The following TNPO3 variants were observed in gnomAD, a reference collection of about 807,000 sequenced individuals.
TNPO3 encodes the protein transportin-3.
In TNPO3, 65 loss-of-function variants were observed where a neutral mutation model predicts 122.8. That is an observed-to-expected ratio of 0.53 (90% CI 0.43 to 0.65). The LOEUF is 0.65. TNPO3 is among the 30% of genes least tolerant of loss of function. TNPO3 has a pLI of 0.00. For missense variants in TNPO3, 850 were observed against 1,136.7 expected (o/e 0.75, Z 3.63); for synonymous variants, 372 against 411.2 (o/e 0.90, Z 1.15).
At chr7:128,968,444 A>G (rs572399182) in intron 20 of TNPO3, among the ~76,000 whole-genome samples, 1 of 152,242 alleles carries the variant, frequency 6.6e-6, no homozygotes, top group African/African-American at 2.4e-5. Flanking sequence ...TCTTATTTTC[A>G]GTTTAATTGT....
intron 3 of TNPO3, among the ~76,000 whole-genome samples, chr7:129,016,122 G>A (rs990044517): frequency 5.3e-5 from 8 of 152,066 alleles, no homozygotes; most frequent in African/African-American, 1.9e-4. Context: ...AGTTATCCAA[G>A]CTGGATGAGG....
At chr7:129,032,828 G>A (rs1384054226) in intron 1 of TNPO3, among the ~76,000 whole-genome samples, 2 of 152,002 alleles carry the variant, frequency 1.3e-5, no homozygotes, top group African/African-American at 4.8e-5. Context: ...TCTCAATGAC[G>A]TTTTCTGCAA....
chr7:129,034,085 A>G (rs934789200), intron 1 of TNPO3, among the ~76,000 whole-genome samples: 9 of 152,220 alleles, frequency 5.9e-5, no homozygotes, highest in Non-Finnish European at 1.3e-4. Context: ...CTAAGCCTTC[A>G]AAAGGAAGGA....
At chr7:129,015,718 A>C (rs1455586459) in intron 3 of TNPO3, among the ~76,000 whole-genome samples, 1 of 152,126 alleles carries the variant, frequency 6.6e-6, no homozygotes, top group African/African-American at 2.4e-5. Context: ...CTGTAATCCC[A>C]GCTACTCGGG....
chr7:129,026,759 T>C (rs1805229162), intron 1 of TNPO3, among the ~76,000 whole-genome samples: 1 of 152,094 alleles, frequency 6.6e-6, no homozygotes, highest in South Asian at 2.1e-4. Context: ...AAATAACTTG[T>C]ACTTTATATA....
At chr7:129,023,848 A>C (rs1406926360) in intron 1 of TNPO3, among the ~76,000 whole-genome samples, 1 of 152,230 alleles carries the variant, frequency 6.6e-6, no homozygotes, top group Non-Finnish European at 1.5e-5. Flanking sequence ...CAACAACCAC[A>C]ATTACTTTGG....
chr7:129,028,034 A>G (rs1400558659), intron 1 of TNPO3, among the ~76,000 whole-genome samples: 4 of 152,232 alleles, frequency 2.6e-5, no homozygotes, highest in African/African-American at 9.6e-5. Context: ...GCAAAAGGGA[A>G]ACTAGAAATT....
intron 1 of TNPO3, among the ~76,000 whole-genome samples, chr7:129,034,690 C>G (rs1806371532): frequency 6.7e-6 from 1 of 149,914 alleles, no homozygotes; most frequent in Middle Eastern, 3.4e-3. Flanking sequence ...GAGATTGAGA[C>G]CATCCTAGCT....
At chr7:129,012,658 C>T (rs1258329187) in intron 4 of TNPO3, among the ~76,000 whole-genome samples, 2 of 152,160 alleles carry the variant, frequency 1.3e-5, no homozygotes, top group Admixed American at 1.3e-4. Flanking sequence ...AAGGGATATT[C>T]AACCTGTATC....
rs762747776 is a variant in TNPO3 at position 128,955,169 on chromosome 7, G to A, written c.*248C>T. On this transcript the variant is annotated 3_prime_UTR_variant, in exon 23 of 23. Transcript: ENST00000265388. ...AAACCAGCTCCCCTCCCACCACGCC[G>A]GGCAGGCCACAGCCATCTTTTTAAA... 99 of 305,430 alleles carry A rather than the reference G, an allele frequency of 3.2e-4. No individual in the cohort carries two copies. The highest frequency in any genetic ancestry group is 9.0e-4 in the Admixed American group (19 of 21,154). The allele number at this position is 305,430 out of a possible 1,614,324, so 18.9% of individuals were successfully genotyped here. A position where few individuals can be genotyped will look rare whatever the true frequency, so the allele number is the denominator to read the frequency against.
Position 129,054,877 on chromosome 7 carries a change from G to C in TNPO3, c.-107C>G. 1 of 1,488,850 alleles carries C rather than the reference G, an allele frequency of 6.7e-7. No individual in the cohort carries two copies. The highest frequency in any genetic ancestry group is 9.2e-7 in the Non-Finnish European group (1 of 1,090,870). 92.2% of individuals were successfully genotyped at this position (1,488,850 alleles called of 1,614,324 possible). ...ACTGTCTGGGCCACGGCCGCTCCCT[G>C]ACTGGCGCCATCTCCTCCTCTTTGG... On this transcript the variant is annotated 5_prime_UTR_variant, in exon 1 of 23. Transcript: ENST00000265388.
intron 1 of TNPO3, among the ~76,000 whole-genome samples, chr7:129,037,021 G>A (rs1162287353): frequency 6.6e-6 from 1 of 152,130 alleles, no homozygotes; most frequent in African/African-American, 2.4e-5. Flanking sequence ...AAAAGGCTAA[G>A]ACACATATAA....
At chr7:128,985,762 A>T (rs1433334574) in intron 12 of TNPO3, among the ~76,000 whole-genome samples, 3 of 152,196 alleles carry the variant, frequency 2.0e-5, no homozygotes, top group Non-Finnish European at 2.9e-5. Context: ...ATCTGTGCCT[A>T]TGAAGGGAAA....
chr7:129,039,346 G>C (rs1003108726), intron 1 of TNPO3, among the ~76,000 whole-genome samples: 1 of 152,230 alleles, frequency 6.6e-6, no homozygotes, highest in African/African-American at 2.4e-5. Flanking sequence ...AGGATCGCTT[G>C]AGCCCAAGAG....
At chr7:129,035,620 A>G (rs368082790) in intron 1 of TNPO3, among the ~76,000 whole-genome samples, 35 of 151,264 alleles carry the variant, frequency 2.3e-4, no homozygotes, top group African/African-American at 6.1e-4. Flanking sequence ...CGTCGGGGGG[A>G]AAAAAAAAGC....
At chr7:129,038,381 G>A (rs994504896) in intron 1 of TNPO3, among the ~76,000 whole-genome samples, 5 of 152,176 alleles carry the variant, frequency 3.3e-5, no homozygotes, top group Admixed American at 2.6e-4. Context: ...CACTGTTGGT[G>A]GGAGTGTAAA....
chr7:129,021,805 T>C (rs1563105702), intron 1 of TNPO3, among the ~76,000 whole-genome samples: 2 of 152,014 alleles, frequency 1.3e-5, no homozygotes, highest in African/African-American at 2.4e-5. Context: ...AGAAGGAACA[T>C]TTCAGAAATT....
chr7:128,957,068 T>C (rs933017385), intron 22 of TNPO3, among the ~76,000 whole-genome samples, 156 bp downstream of exon 22: 1 of 152,198 alleles, frequency 6.6e-6, no homozygotes, highest in Non-Finnish European at 1.5e-5. Context: ...CCGGGCCCTG[T>C]ATATTCCAGC....
At chr7:128,987,003 T>C (rs1800231735) in intron 11 of TNPO3, 83 bp from the exon 12 acceptor site, 1 of 1,406,532 alleles carries the variant, frequency 7.1e-7, no homozygotes, top group Admixed American at 2.7e-5. Context: ...TATACTTGCT[T>C]TTCTTTTTTT....
Sources: gnomAD v4.1 joint callset for allele counts (sites outside exome capture counted in the v4.1 genomes callset) on GRCh38, gnomAD v4.1.1 for gene constraint, MANE v1.5 for transcripts, NCBI Gene and HGNC (gene_info 2026-07-23, HGNC 2026-07-21) for gene names.